The following LARGE1 variants were observed in gnomAD, a reference collection of about 807,000 sequenced individuals.
The protein encoded by LARGE1 is xylosyl- and glucuronyltransferase LARGE1.
A neutral mutation model predicts 87.6 loss-of-function variants in LARGE1; 43 were observed. That is an observed-to-expected ratio of 0.49 (90% CI 0.38 to 0.63). The LOEUF (loss-of-function observed/expected upper bound fraction) is 0.63. LARGE1 is among the 30% of genes least tolerant of loss of function. LARGE1 has a pLI of 0.00. For missense variants in LARGE1, 802 were observed against 1,000.2 expected (o/e 0.80, Z 2.67); for synonymous variants, 434 against 394.6 (o/e 1.10, Z -1.18).
intron 4 of LARGE1, among the ~76,000 whole-genome samples, chr22:33,605,602 G>A (rs2079230458): frequency 6.6e-6 from 1 of 152,178 alleles, no homozygotes; most frequent in African/African-American, 2.4e-5. Context: ...AATAGCAGAT[G>A]CGCCCTACTG....
rs529673329 is a variant in LARGE1, at chr22:33,490,301, C to T, written c.788-58036G>A. On this transcript the variant is annotated intron_variant, in intron 6 of 14. Transcript: ENST00000397394. ...GGAACATCAACCATGAACCTTGCCC[C>T]GCTTCCCTACCAGAGAATAAAGAGG... Among the ~76,000 whole-genome samples, 3 of 152,146 alleles carry T rather than the reference C, an allele frequency of 2.0e-5. No individual in the cohort carries two copies. In the South Asian group the frequency reaches 6.2e-4, roughly 32 times the overall value.
At chr22:33,885,191 T>C (rs1350668559) in intron 1 of LARGE1, among the ~76,000 whole-genome samples, 1 of 147,676 alleles carries the variant, frequency 6.8e-6, no homozygotes, top group African/African-American at 2.5e-5. Flanking sequence ...CACAAGGGTG[T>C]GTGTTCCACA....
At chr22:33,799,874 G>C (rs1290789871) in intron 1 of LARGE1, among the ~76,000 whole-genome samples, 1 of 152,164 alleles carries the variant, frequency 6.6e-6, no homozygotes, top group East Asian at 1.9e-4. Context: ...CCATAGATAA[G>C]GTCATAGAAG....
At chr22:33,600,545 G>A (rs1171731887) in intron 5 of LARGE1, among the ~76,000 whole-genome samples, 1 of 152,138 alleles carries the variant, frequency 6.6e-6, no homozygotes, top group African/African-American at 2.4e-5. Flanking sequence ...CTGAGTACAC[G>A]TAACTTTAGC....
chr22:33,112,515 C>T, the LARGE1 span, among the ~76,000 whole-genome samples: 3 of 152,156 alleles, frequency 2.0e-5, no homozygotes, highest in Admixed American at 6.6e-5. Context: ...TATCACAGGG[C>T]GCATTCGGGG....
the LARGE1 span, among the ~76,000 whole-genome samples, chr22:33,075,975 G>T: frequency 6.6e-6 from 1 of 152,136 alleles, no homozygotes; most frequent in East Asian, 1.9e-4. Context: ...TGGGATGTCA[G>T]AATTAGGCAA....
chr22:33,394,042 T>C (rs1323386664), intron 7 of LARGE1, among the ~76,000 whole-genome samples: 2 of 150,060 alleles, frequency 1.3e-5, no homozygotes, highest in Non-Finnish European at 3.0e-5. Context: ...AATAATGCTA[T>C]TTTATGAGCT....
chr22:33,353,061 G>A (rs953642883), intron 9 of LARGE1, among the ~76,000 whole-genome samples: 9 of 152,206 alleles, frequency 5.9e-5, no homozygotes, highest in Middle Eastern at 6.8e-3. Flanking sequence ...CAAGAAACTG[G>A]CAAAAAATGT....
chr22:33,705,964 C>T lies in LARGE1; in HGVS notation c.107-55296G>A, dbSNP rs1192998101. Among the ~76,000 whole-genome samples the T allele has an allele frequency of 2.6e-5, 4 of 152,210 alleles. No individual in the cohort carries two copies. In the East Asian group the frequency reaches 5.8e-4, roughly 22 times the overall value. Reference sequence around the variant, plus strand: ...GTTTATAGATGAAAGAATTGGAGCTCGGAAAAGAAACATCACCCAAGAGTC... The same window carrying T: ...GTTTATAGATGAAAGAATTGGAGCTTGGAAAAGAAACATCACCCAAGAGTC... On this transcript the variant is annotated intron_variant, in intron 2 of 14. Transcript: ENST00000397394.
chr22:33,858,207 T>A (rs186369078), intron 1 of LARGE1, among the ~76,000 whole-genome samples: 191 of 152,272 alleles, frequency 1.3e-3, no homozygotes, highest in African/African-American at 4.3e-3. Flanking sequence ...GGAGCGGCAA[T>A]GGGCACCTTG....
chr22:33,555,251 T>G (rs1335560962), intron 6 of LARGE1, among the ~76,000 whole-genome samples: 1 of 152,088 alleles, frequency 6.6e-6, no homozygotes, highest in Non-Finnish European at 1.5e-5. Context: ...ATCTGCAGAT[T>G]TTGGTATCCG....
chr22:33,556,512 A>C (rs1231940474), intron 6 of LARGE1, among the ~76,000 whole-genome samples: 1 of 104,192 alleles, frequency 9.6e-6, no homozygotes, highest in Middle Eastern at 4.6e-3. Flanking sequence ...GGAAAGAAGG[A>C]AGGAAGGGAG....
At chr22:33,631,397 T>C (rs970641179) in intron 3 of LARGE1, among the ~76,000 whole-genome samples, 11 of 152,232 alleles carry the variant, frequency 7.2e-5, no homozygotes, top group African/African-American at 2.4e-4. Flanking sequence ...TACAGCTGTA[T>C]GAAAATACTT....
intron 9 of LARGE1, among the ~76,000 whole-genome samples, chr22:33,369,890 T>C (rs761838535): frequency 6.6e-6 from 1 of 151,706 alleles, no homozygotes; most frequent in Non-Finnish European, 1.5e-5. Context: ...ACTTTTCTGC[T>C]GGTGTTGAGA....
At chr22:33,826,033 A>G (rs2062772981) in intron 1 of LARGE1, among the ~76,000 whole-genome samples, 1 of 152,140 alleles carries the variant, frequency 6.6e-6, no homozygotes. Flanking sequence ...TCCAGATCAC[A>G]TTTCAACACA....
chr22:33,534,311 G>A (rs2076981146), intron 6 of LARGE1, among the ~76,000 whole-genome samples: 1 of 152,094 alleles, frequency 6.6e-6, no homozygotes, highest in African/African-American at 2.4e-5. Flanking sequence ...GGCTGAGGCA[G>A]GAGAATGGTG....
intron 2 of LARGE1, among the ~76,000 whole-genome samples, chr22:33,710,104 CG>C (rs1569394407): frequency 2.0e-5 from 3 of 150,632 alleles, no homozygotes. Context: ...AGTAGCTATA[CG>C]AGCAAAGAAC....
chr22:33,542,873 A>T (rs2077251914), intron 6 of LARGE1, among the ~76,000 whole-genome samples: 1 of 152,158 alleles, frequency 6.6e-6, no homozygotes, highest in African/African-American at 2.4e-5. Context: ...ACAGCTAGTA[A>T]AGATGAAACA....
intron 11 of LARGE1, among the ~76,000 whole-genome samples, chr22:33,195,607 A>G (rs1482780439): frequency 6.6e-6 from 1 of 152,018 alleles, no homozygotes; most frequent in East Asian, 1.9e-4. Flanking sequence ...CAAAAAAGAA[A>G]CCAGAAAACT....
Sources: allele counts gnomAD v4.1 joint callset (sites outside exome capture counted in the v4.1 genomes callset), GRCh38; gene constraint gnomAD v4.1.1; transcripts MANE v1.5; gene names NCBI Gene and HGNC (gene_info 2026-07-23, HGNC 2026-07-21).